Variants in HMGA2 observed in about 807,000 individuals in gnomAD.
The protein encoded by HMGA2 is high mobility group protein HMGI-C.
HMGA2 carries 8 observed loss-of-function variants against 19.1 expected under a neutral mutation model. The observed-to-expected ratio is 0.42, with a 90% CI of 0.25 to 0.76. HMGA2 has a LOEUF of 0.76. Ranked by LOEUF, HMGA2 falls within the 30% of genes least tolerant of loss-of-function variation. The pLI is 0.28. For missense variants in HMGA2, 109 were observed against 136.3 expected, an observed-to-expected ratio of 0.80 and a Z score of 1.00; for synonymous variants, 60 against 48.8, an observed-to-expected ratio of 1.23 and a Z score of -0.96.
intron 3 of HMGA2, among the ~76,000 whole-genome samples, chr12:65,923,526 A>T (rs558629534): frequency 6.6e-6 from 1 of 152,320 alleles, no homozygotes; most frequent in African/African-American, 2.4e-5. Context: ...ACAGCACTGG[A>T]CCAGTCCAAC....
intron 3 of HMGA2, among the ~76,000 whole-genome samples, chr12:65,853,302 A>C (rs1468903647): frequency 6.6e-6 from 1 of 152,164 alleles, no homozygotes; most frequent in Non-Finnish European, 1.5e-5. Flanking sequence ...AATCTGTTGA[A>C]TATACTGTTC....
At chr12:65,925,932 A>G (rs1875489086) in intron 3 of HMGA2, among the ~76,000 whole-genome samples, 1 of 152,190 alleles carries the variant, frequency 6.6e-6, no homozygotes, top group Admixed American at 6.5e-5. Context: ...CTTCTGTTGT[A>G]TTGGGGAACG....
intron 2 of HMGA2, chr12:65,829,140 T>C (rs568227695): frequency 6.6e-6 from 1 of 152,264 alleles, no homozygotes; most frequent in Non-Finnish European, 1.5e-5. Flanking sequence ...TTGTGTGATT[T>C]TCTTTGTGAC....
intron 3 of HMGA2, chr12:65,866,953 CA>C (rs1565713978): frequency 2.2e-6 from 1 of 456,764 alleles, no homozygotes; most frequent in Non-Finnish European, 4.4e-6. Context: ...CCCATCTTGA[CA>C]CTGGTAGAGA....
intron 3 of HMGA2, among the ~76,000 whole-genome samples, chr12:65,882,662 G>A (rs142905037): frequency 2.1e-3 from 316 of 152,322 alleles, no homozygotes; most frequent in Middle Eastern, 0.01. Context: ...ATGGGGATGA[G>A]AAAATACCTC....
chr12:65,937,036 G>A (rs927201541), intron 3 of HMGA2, among the ~76,000 whole-genome samples: 3 of 152,260 alleles, frequency 2.0e-5, no homozygotes, highest in Non-Finnish European at 4.4e-5. Flanking sequence ...AAAGCTGCCC[G>A]TGTAATACTC....
intron 3 of HMGA2, among the ~76,000 whole-genome samples, chr12:65,872,040 C>T (rs1369467682): frequency 6.6e-6 from 1 of 152,136 alleles, no homozygotes; most frequent in Non-Finnish European, 1.5e-5. Flanking sequence ...TCTGAAGTGG[C>T]AGGGAGGCAA....
In HMGA2 at chr12:65,963,427, A is replaced by AG. The variant is rs3837433; in HGVS notation, c.*143dup. ...GGGGTGGGGTGGGGTGGGGTGGGGG[A>AG]GGGGGGGGTGGGGTGGGGAGAAATC... On this transcript the variant is annotated 3_prime_UTR_variant, in exon 5 of 5. Transcript: ENST00000403681. The AG allele has an allele frequency of 2.5e-3, 40 of 16,238 alleles. No homozygotes were observed. Among genetic ancestry groups the AG allele is most frequent in the Non-Finnish European group, 6.9e-3 (27 of 3,928 alleles). The allele number at this position is 16,238 out of a possible 1,614,324, so 1.0% of individuals were successfully genotyped here. A position where few individuals can be genotyped will look rare whatever the true frequency, so the allele number is the denominator to read the frequency against.
intron 3 of HMGA2, among the ~76,000 whole-genome samples, chr12:65,898,850 C>T (rs955042555): frequency 6.6e-6 from 1 of 151,952 alleles, no homozygotes; most frequent in Non-Finnish European, 1.5e-5. Flanking sequence ...CGAGACCATC[C>T]TGGATAACAC....
At chr12:65,834,268 C>G (rs1404761054) in intron 2 of HMGA2, among the ~76,000 whole-genome samples, 1 of 152,200 alleles carries the variant, frequency 6.6e-6, no homozygotes, top group Non-Finnish European at 1.5e-5. Context: ...TGAAGGGCCA[C>G]TCCAAAGGTT....
chr12:65,885,630 G>T (rs1873624681), intron 3 of HMGA2, among the ~76,000 whole-genome samples: 1 of 152,160 alleles, frequency 6.6e-6, no homozygotes, highest in South Asian at 2.1e-4. Flanking sequence ...TTGGAAAATG[G>T]TTTACTTGGT....
chr12:65,894,909 G>T (rs1049954743), intron 3 of HMGA2, among the ~76,000 whole-genome samples: 1 of 152,200 alleles, frequency 6.6e-6, no homozygotes, highest in African/African-American at 2.4e-5. Context: ...CAAATAAGAA[G>T]TGAGTGTGGA....
At chr12:65,903,625 G>A (rs1170162556) in intron 3 of HMGA2, among the ~76,000 whole-genome samples, 2 of 151,932 alleles carry the variant, frequency 1.3e-5, no homozygotes, top group East Asian at 1.9e-4. Flanking sequence ...AAATCACAGT[G>A]AGTATTTTTT....
chr12:65,913,505 T>C (rs989070676), intron 3 of HMGA2, among the ~76,000 whole-genome samples: 2 of 152,236 alleles, frequency 1.3e-5, no homozygotes, highest in African/African-American at 4.8e-5. Context: ...TTTAGGTTAG[T>C]CCTTCCTAGA....
chr12:65,963,254 G>T lies in HMGA2; in HGVS notation c.292G>T (p.Glu98Ter). Residue 98 changes from glutamate (E) to a stop codon, truncating the protein, a stop_gained, in exon 5 of 5, where the codon GAA (glutamate) becomes TAA (stop). Transcript: ENST00000403681. LOFTEE classifies it high-confidence loss of function. ...VQKKPAQEET[E>*]ETSSQESAEE... is the part of the protein sequence containing the mutation. ...CCTTTGTGTGTTCCAGGAGGAAACTGAAGAGACATCCTCACAAGAGTCTGC... is the reference window on the plus strand; with the variant it reads ...CCTTTGTGTGTTCCAGGAGGAAACTTAAGAGACATCCTCACAAGAGTCTGC... The T allele has an allele frequency of 6.2e-7, 1 of 1,613,748 alleles. No individual in the cohort carries two copies. The highest frequency in any genetic ancestry group is 8.5e-7 in the Non-Finnish European group (1 of 1,179,810).
chr12:65,876,484 C>T (rs1873036165), intron 3 of HMGA2, among the ~76,000 whole-genome samples: 1 of 152,134 alleles, frequency 6.6e-6, no homozygotes, highest in Non-Finnish European at 1.5e-5. Context: ...CTTTCTCTTC[C>T]TAATCTTAAT....
At chr12:65,932,534 A>G (rs1156742561) in intron 3 of HMGA2, among the ~76,000 whole-genome samples, 1 of 152,254 alleles carries the variant, frequency 6.6e-6, no homozygotes, top group Non-Finnish European at 1.5e-5. Context: ...AAATGAAAAA[A>G]ATAAATGAAT....
chr12:65,915,084 C>T, intron 3 of HMGA2: 1 of 1,613,808 alleles, frequency 6.2e-7, no homozygotes, highest in Admixed American at 1.7e-5. Flanking sequence ...AGAACCAGCT[C>T]CAAGAAGAAA....
At chr12:65,830,485 G>A (rs1275735483) in intron 2 of HMGA2, among the ~76,000 whole-genome samples, 2 of 151,862 alleles carry the variant, frequency 1.3e-5, no homozygotes, top group Admixed American at 6.6e-5. Context: ...GTGTTTTCCT[G>A]TAAACTGAGA....
Sources: allele counts gnomAD v4.1 joint callset (sites outside exome capture counted in the v4.1 genomes callset), GRCh38; gene constraint gnomAD v4.1.1; transcripts MANE v1.5; gene names NCBI Gene and HGNC (gene_info 2026-07-23, HGNC 2026-07-21).